Variants in INSYN2B observed in about 807,000 individuals in gnomAD.
INSYN2B encodes inhibitory synaptic factor family member 2B.
In INSYN2B, 16 loss-of-function variants were observed where a neutral mutation model predicts 41.2. The ratio of observed to expected loss-of-function variants is 0.39; its 90% CI spans 0.26 to 0.59. The LOEUF (loss-of-function observed/expected upper bound fraction) is 0.59. INSYN2B is among the 20% of genes least tolerant of loss of function. The probability of loss-of-function intolerance (pLI) is 0.57; values close to 1 mark genes in which losing one functional copy is unlikely to be tolerated. For missense variants in INSYN2B, 608 were observed against 646.4 expected (o/e 0.94, Z 0.64); for synonymous variants, 245 against 244.4 (o/e 1.00, Z -0.02).
intron 1 of INSYN2B, among the ~76,000 whole-genome samples, chr5:169,894,619 A>G (rs1398365450): frequency 6.6e-6 from 1 of 152,206 alleles, no homozygotes; most frequent in Non-Finnish European, 1.5e-5. Context: ...TCGGTGGCAC[A>G]AGCAGTTTGC....
chr5:169,959,168 G>A (rs1216983972), intron 1 of INSYN2B, among the ~76,000 whole-genome samples: 8 of 152,010 alleles, frequency 5.3e-5, no homozygotes, highest in African/African-American at 1.7e-4. Context: ...CGAGGGGGGC[G>A]GATCATGAGG....
In INSYN2B at chr5:169,864,465, A is replaced by G. The variant is rs547481241; in HGVS notation, c.1422-6T>C. On this transcript the variant is annotated splice_polypyrimidine_tract_variant and splice_region_variant and intron_variant, in intron 3 of 3. Coordinates refer to ENST00000377365, the MANE Select transcript of INSYN2B (RefSeq NM_001129891.3). ...GCCGAAAATCATACTCTACACTGAA[A>G]AACACAGAGAGGAAGGAAGGAAAGT... 4.5e-5 allele frequency: 69 copies of G among 1,520,242 alleles called. 1 individual carries two copies. In the South Asian group the frequency reaches 8.7e-4, roughly 19 times the overall value. The allele number at this position is 1,520,242 out of a possible 1,614,324, so 94.2% of individuals were successfully genotyped here.
intron 1 of INSYN2B, among the ~76,000 whole-genome samples, chr5:169,969,004 G>A (rs1423957858): frequency 1.3e-5 from 2 of 152,194 alleles, no homozygotes; most frequent in Non-Finnish European, 2.9e-5. Flanking sequence ...TTGAAAAATA[G>A]CCTGATGTGG....
intron 1 of INSYN2B, among the ~76,000 whole-genome samples, chr5:169,887,062 G>A (rs910267985): frequency 6.6e-6 from 1 of 152,164 alleles, no homozygotes; most frequent in African/African-American, 2.4e-5. Context: ...ATAAGTGATG[G>A]AGCTGTCATT....
At chr5:169,945,048 G>GTGTTCTT (rs1405991373) in intron 1 of INSYN2B, among the ~76,000 whole-genome samples, 22 of 152,234 alleles carry the variant, frequency 1.4e-4, no homozygotes, top group African/African-American at 4.1e-4. Flanking sequence ...TTCTTAGCAT[G>GTGTTCTT]ACCAGGACAA....
rs569475138 is a variant in INSYN2B, at chr5:169,953,061, T to C, written c.-919+27216A>G. 2.6e-5 allele frequency among the ~76,000 whole-genome samples: 4 copies of C among 152,162 alleles called. No individual in the cohort carries two copies. The South Asian group carries it at 6.2e-4, about 24-fold the overall frequency. ...ATTTGGGGCCAGGCACGGTGGCTCA[T>C]ACCTGTAATCCCAGCACTTTGGGAG... On this transcript the variant is annotated intron_variant, in intron 1 of 3. Coordinates refer to ENST00000377365, the MANE Select transcript of INSYN2B (RefSeq NM_001129891.3).
chr5:169,894,722 G>A (rs114378834), intron 1 of INSYN2B, among the ~76,000 whole-genome samples: 1 of 152,180 alleles, frequency 6.6e-6, no homozygotes, highest in South Asian at 2.1e-4. Flanking sequence ...ACACACAGTA[G>A]GTGCTCAGTA....
chr5:169,882,514 C>A, intron 2 of INSYN2B, 39 bp downstream of exon 2: 1 of 1,487,406 alleles, frequency 6.7e-7, no homozygotes, highest in South Asian at 1.3e-5. Flanking sequence ...CAAATGACTT[C>A]ACCCAGTCAT....
chr5:169,869,169 G>C (rs1291731369), intron 3 of INSYN2B, among the ~76,000 whole-genome samples: 1 of 152,170 alleles, frequency 6.6e-6, no homozygotes, highest in Non-Finnish European at 1.5e-5. Context: ...CAGCTCTTCA[G>C]TAGCTGCGCA....
intron 1 of INSYN2B, among the ~76,000 whole-genome samples, chr5:169,935,998 A>T (rs1430524277): frequency 1.3e-5 from 2 of 152,058 alleles, no homozygotes; most frequent in South Asian, 2.1e-4. Flanking sequence ...GTTAACATAA[A>T]TTTTTTCTTG....
intron 3 of INSYN2B, among the ~76,000 whole-genome samples, chr5:169,876,811 A>G: frequency 6.6e-6 from 1 of 152,200 alleles, no homozygotes; most frequent in South Asian, 2.1e-4. Context: ...TTACTTCTGG[A>G]CAATTTAAAC....
intron 1 of INSYN2B, among the ~76,000 whole-genome samples, chr5:169,955,576 C>T (rs1475592649): frequency 3.3e-5 from 5 of 152,164 alleles, no homozygotes; most frequent in Non-Finnish European, 5.9e-5. Context: ...TCAGTATGAC[C>T]TTGTTGGTTC....
chr5:169,929,007 T>C lies in INSYN2B; in HGVS notation c.-918-44191A>G, dbSNP rs114579137. Among the ~76,000 whole-genome samples, 450 of 152,302 alleles carry C rather than the reference T, an allele frequency of 3.0e-3. 5 individuals carry two copies. Among genetic ancestry groups the C allele is most frequent in the African/African-American group, 0.01 (426 of 41,580 alleles). ...ATGTAGGATGAGGAGGAGCTATGTG[T>C]TCTGTTCATCTTTGTGCCCTGAGAA... On this transcript the variant is annotated intron_variant, in intron 1 of 3. Coordinates refer to ENST00000377365, the MANE Select transcript of INSYN2B (RefSeq NM_001129891.3).
At chr5:169,871,885 A>G (rs907820863) in intron 3 of INSYN2B, among the ~76,000 whole-genome samples, 14 of 152,190 alleles carry the variant, frequency 9.2e-5, no homozygotes, top group African/African-American at 3.1e-4. Flanking sequence ...TGCATACCCA[A>G]AAAAGGTGCT....
chr5:169,873,655 T>C (rs1335462096), intron 3 of INSYN2B, among the ~76,000 whole-genome samples: 1 of 152,222 alleles, frequency 6.6e-6, no homozygotes, highest in Non-Finnish European at 1.5e-5. Context: ...CTAAACAATT[T>C]AAGTGAAAAG....
At position 169,882,617 on chromosome 5, in the gene INSYN2B, C is replaced by T; in HGVS notation, c.1282G>A (p.Glu428Lys). The stretch of plus-strand genomic sequence containing the variant: ...ACATTCAAAAGGACTTTAATTTTCT[C>T]TTGGTTCGAGTGCAGAGATTCCTCC... Reference protein sequence around the residue: ...SVEESLHSNQEKIKVLLNVIQ... With the variant: ...SVEESLHSNQKKIKVLLNVIQ... Residue 428 changes from glutamate (E) to lysine (K), a missense_variant, in exon 2 of 4, where the codon GAG (glutamate) becomes AAG (lysine). Physicochemically the swap from Glu to Lys is moderately conservative, Grantham distance 56 (BLOSUM62 1). Transcript: ENST00000377365. The T allele has an allele frequency of 6.4e-7, 1 of 1,551,824 alleles. No individual in the cohort carries two copies. The highest frequency in any genetic ancestry group is 2.0e-5 in the Admixed American group (1 of 51,002).
intron 3 of INSYN2B, among the ~76,000 whole-genome samples, chr5:169,879,713 G>T (rs991554632): frequency 6.6e-6 from 1 of 152,064 alleles, no homozygotes; most frequent in African/African-American, 2.4e-5. Flanking sequence ...CTTTTAATTC[G>T]GTTTAGAATA....
At chr5:169,973,241 G>T (rs112981245) in intron 1 of INSYN2B, among the ~76,000 whole-genome samples, 78 of 152,268 alleles carry the variant, frequency 5.1e-4, no homozygotes, top group African/African-American at 1.7e-3. Context: ...GGAGAAAAAT[G>T]GAAGAAACTA....
intron 1 of INSYN2B, among the ~76,000 whole-genome samples, chr5:169,977,934 A>G (rs1777773763): frequency 1.3e-5 from 2 of 152,204 alleles, no homozygotes; most frequent in Admixed American, 1.3e-4. Flanking sequence ...TTACATAACC[A>G]GATGGCAGAC....
Sources: allele counts gnomAD v4.1 joint callset (sites outside exome capture counted in the v4.1 genomes callset), GRCh38; gene constraint gnomAD v4.1.1; transcripts MANE v1.5; gene names NCBI Gene and HGNC (gene_info 2026-07-23, HGNC 2026-07-21).